Variants in CD38 observed in about 807,000 individuals in gnomAD.
CD38 encodes the protein CD38 molecule.
In CD38, 31 loss-of-function variants were observed where a neutral mutation model predicts 36.3. The observed-to-expected ratio is 0.85, with a 90% confidence interval of 0.64 to 1.15. The LOEUF (loss-of-function observed/expected upper bound fraction) is 1.15, where lower values mean the gene tolerates loss of function less well. CD38 is among the 50% of genes most tolerant of loss of function. The pLI, the probability that CD38 is intolerant of heterozygous loss-of-function variation, is 0.00. For synonymous variants in CD38, 131 were observed against 135.2 expected (o/e 0.97, Z 0.22); for missense variants, 380 against 371.9 (o/e 1.02, Z -0.18).
At chr4:15,839,415 CTTTTTTTTTTTTTT>C (rs560134404) in intron 5 of CD38, among the ~76,000 whole-genome samples, 1 of 88,072 alleles carries the variant, frequency 1.1e-5, no homozygotes, top group Non-Finnish European at 2.2e-5. Flanking sequence ...TTCTACATTT[CTTTTTTTTTTTTTT>C]TTTTTTTTTT....
At chr4:15,784,970 C>T (rs140708574) in intron 1 of CD38, among the ~76,000 whole-genome samples, 15,684 of 151,894 alleles carry the variant, frequency 0.1, 1,402 homozygotes, top group African/African-American at 0.24. Context: ...GCAGGAGAAT[C>T]GCTTGAACCT....
chr4:15,836,144 GACTTGGTAATTTTTTTAAA>G (rs1416134025), intron 4 of CD38, among the ~76,000 whole-genome samples: 1 of 152,208 alleles, frequency 6.6e-6, no homozygotes, highest in Non-Finnish European at 1.5e-5. Flanking sequence ...AACTACCTGA[GACTTGGTAATTTTTTTAAA>G]ACAGGAGTTT....
chr4:15,791,625 T>A (rs1473875649), intron 1 of CD38, among the ~76,000 whole-genome samples: 1 of 55,986 alleles, frequency 1.8e-5, no homozygotes, highest in Non-Finnish European at 3.2e-5. Context: ...GGGAGGGAGG[T>A]GGGGGGGTCA....
intron 7 of CD38, 104 bp from the exon 8 acceptor site, chr4:15,848,435 T>G: frequency 2.7e-6 from 2 of 739,792 alleles, no homozygotes; most frequent in Non-Finnish European, 4.8e-6. Flanking sequence ...CTAAGTGGTC[T>G]GTGCACCTTG....
intron 2 of CD38, among the ~76,000 whole-genome samples, chr4:15,818,243 G>C (rs1055566196): frequency 6.6e-6 from 1 of 152,144 alleles, no homozygotes; most frequent in Non-Finnish European, 1.5e-5. Flanking sequence ...GGGAAGTCTG[G>C]ACTGAGTGTG....
In CD38 at chr4:15,840,593, C is replaced by T. The variant is rs1180221300; in HGVS notation, c.839+55C>T. 5 of 1,037,538 alleles carry T rather than the reference C, an allele frequency of 4.8e-6. No homozygotes were observed. In the Admixed American group the frequency reaches 7.8e-5, roughly 16 times the overall value. 64.3% of individuals were successfully genotyped at this position (1,037,538 alleles called of 1,614,324 possible). ...GACTGTCTTGTCACCTGTAGAATTT[C>T]CTTTTTTCCTTAGCCTCCTCTGAGC... is the stretch of plus-strand genomic sequence containing the variant. On this transcript the variant is annotated intron_variant, in intron 7 of 7. Coordinates refer to ENST00000226279, the MANE Select transcript of CD38 (RefSeq NM_001775.4).
intron 3 of CD38, among the ~76,000 whole-genome samples, chr4:15,829,170 CT>C (rs1202724982): frequency 6.6e-6 from 1 of 151,264 alleles, no homozygotes; most frequent in African/African-American, 2.4e-5. Context: ...GATTTTTTTT[CT>C]TGTTTTTGAG....
chr4:15,790,320 A>T (rs1577635316), intron 1 of CD38, among the ~76,000 whole-genome samples: 1 of 149,640 alleles, frequency 6.7e-6, no homozygotes, highest in South Asian at 2.1e-4. Flanking sequence ...GTGCCTGCGC[A>T]CGCCGCCACG....
intron 4 of CD38, among the ~76,000 whole-genome samples, chr4:15,836,971 C>T (rs1724080745): frequency 6.6e-6 from 1 of 152,172 alleles, no homozygotes; most frequent in Non-Finnish European, 1.5e-5. Context: ...TATAACATAA[C>T]CCAAAATCCA....
chr4:15,842,147 C>T (rs1179116502), intron 7 of CD38, among the ~76,000 whole-genome samples: 2 of 95,926 alleles, frequency 2.1e-5, no homozygotes. Flanking sequence ...CCTCTGCAGA[C>T]TTAAGTGTCC....
intron 3 of CD38, chr4:15,826,060 G>A (rs972257309): frequency 3.4e-5 from 5 of 148,394 alleles, no homozygotes; most frequent in Non-Finnish European, 7.5e-5. Flanking sequence ...TCTTATTATA[G>A]CTTCTTTGTC....
At chr4:15,791,299 G>T (rs1722981268) in intron 1 of CD38, among the ~76,000 whole-genome samples, 1 of 61,782 alleles carries the variant, frequency 1.6e-5, no homozygotes, top group Admixed American at 1.1e-4. Flanking sequence ...CGGGAGGGGG[G>T]AGGGGGGGTC....
intron 2 of CD38, among the ~76,000 whole-genome samples, chr4:15,824,085 G>A (rs1288598649): frequency 6.6e-6 from 1 of 152,102 alleles, no homozygotes; most frequent in African/African-American, 2.4e-5. Flanking sequence ...CTTATAAGTG[G>A]GAGCTGAACA....
At chr4:15,781,055 C>A (rs1432434023) in intron 1 of CD38, among the ~76,000 whole-genome samples, 1 of 152,182 alleles carries the variant, frequency 6.6e-6, no homozygotes, top group African/African-American at 2.4e-5. Flanking sequence ...TAGCACTGAA[C>A]CAAGATCCAG....
intron 1 of CD38, among the ~76,000 whole-genome samples, chr4:15,791,703 C>T (rs1200533736): frequency 0.014 from 814 of 59,704 alleles, no homozygotes; most frequent in African/African-American, 0.023. Flanking sequence ...CCTGGCCAGC[C>T]GCCCCGTCCG....
At chr4:15,813,732 A>C (rs1340470226) in intron 1 of CD38, among the ~76,000 whole-genome samples, 1 of 152,172 alleles carries the variant, frequency 6.6e-6, no homozygotes, top group Non-Finnish European at 1.5e-5. Context: ...TTTAGCTGAG[A>C]ATGATGGCTT....
intron 1 of CD38, among the ~76,000 whole-genome samples, chr4:15,791,190 C>T (rs1722976868): frequency 3.1e-5 from 3 of 96,564 alleles, no homozygotes; most frequent in South Asian, 3.3e-4. Context: ...GTCAGCCCCC[C>T]GCCCGGCCAG....
chr4:15,795,886 T>G (rs1261701080), intron 1 of CD38, among the ~76,000 whole-genome samples: 1 of 152,146 alleles, frequency 6.6e-6, no homozygotes, highest in African/African-American at 2.4e-5. Flanking sequence ...CATATTTTTC[T>G]CTGGCCATGA....
At chr4:15,801,047 C>G (rs554653635) in intron 1 of CD38, among the ~76,000 whole-genome samples, 2 of 151,556 alleles carry the variant, frequency 1.3e-5, no homozygotes, top group South Asian at 4.2e-4. Context: ...TAAGCATTAC[C>G]TAGACTAACT....
Sources: allele counts gnomAD v4.1 joint callset (sites outside exome capture counted in the v4.1 genomes callset), GRCh38; gene constraint gnomAD v4.1.1; transcripts MANE v1.5; gene names NCBI Gene and HGNC (gene_info 2026-07-23, HGNC 2026-07-21).